The following PVALEF variants were observed in gnomAD, a reference collection of about 807,000 sequenced individuals.
The protein encoded by PVALEF is parvalbumin like EF-hand containing.
In PVALEF, 2 loss-of-function variants were observed where a neutral mutation model predicts 1.2. The observed-to-expected ratio is 1.68, with a 90% CI of 0.69 to 5.28. The LOEUF is 5.28. Ranked by LOEUF, PVALEF falls within the 30% of genes most tolerant of loss-of-function variation. The pLI is 0.06. For missense variants in PVALEF, 35 were observed against 17.7 expected, an observed-to-expected ratio of 1.97 and a Z score of -1.75; for synonymous variants, 16 against 6.5, an observed-to-expected ratio of 2.47 and a Z score of -2.24.
intron 5 of PVALEF, 100 bp from the exon 6 acceptor site, chr17:81,181,866 C>G (rs369903699): frequency 2.5e-6 from 1 of 397,950 alleles, no homozygotes; most frequent in Non-Finnish European, 4.4e-6. Context: ...GCTCCCGGCC[C>G]GAAGTGCCCT....
intron 2 of PVALEF, among the ~76,000 whole-genome samples, chr17:81,176,436 T>C (rs2725398): frequency 0.86 from 130,498 of 152,140 alleles, 56,146 homozygotes; most frequent in East Asian, 0.99. Context: ...CGAGAATCAT[T>C]GAACCCAGAA....
rs145676843 is a variant in PVALEF, at chr17:81,167,260, T to C, written c.-340+416T>C. ...GTGAGCCAAGATGGCACCACTGCAC[T>C]CCAGCCCGGGTGACAACAAGATCTT... On this transcript the variant is annotated intron_variant, in intron 2 of 6. Transcript: ENST00000637878. 6.5e-3 allele frequency among the ~76,000 whole-genome samples: 975 copies of C among 151,042 alleles called. 11 individuals carry two copies. The highest frequency in any genetic ancestry group is 0.023 in the African/African-American group (938 of 41,378).
At chr17:81,166,263 G>C (rs1170824189) in intron 1 of PVALEF, among the ~76,000 whole-genome samples, 2 of 129,518 alleles carry the variant, frequency 1.5e-5, no homozygotes, top group Admixed American at 1.5e-4. Flanking sequence ...CGCGGGGGAG[G>C]GGGGGGCCCT....
intron 2 of PVALEF, among the ~76,000 whole-genome samples, chr17:81,177,174 G>C (rs142302803): frequency 7.6e-6 from 1 of 131,824 alleles, no homozygotes; most frequent in Non-Finnish European, 1.6e-5. Flanking sequence ...TGATCCACTC[G>C]CCTCGGCCTC....
rs573528408 is a variant in PVALEF at position 81,172,092 on chromosome 17, A to C, written c.-340+5248A>C. On this transcript the variant is annotated intron_variant, in intron 2 of 6. Coordinates refer to ENST00000637878, the MANE Select transcript of PVALEF (RefSeq NM_001354639.2). ...TTCCCTCAGTGGGATGTTCCTCCCAAGGTTCCTCCTCACTCTGGCCTGCTG... is the reference window on the plus strand; with the variant it reads ...TTCCCTCAGTGGGATGTTCCTCCCACGGTTCCTCCTCACTCTGGCCTGCTG... Among the ~76,000 whole-genome samples the C allele has an allele frequency of 9.3e-4, 141 of 152,328 alleles. 2 individuals carry two copies. In the South Asian group the frequency reaches 0.028, roughly 30 times the overall value.
At chr17:81,175,342 A>C (rs752036435) in intron 2 of PVALEF, among the ~76,000 whole-genome samples, 1 of 152,240 alleles carries the variant, frequency 6.6e-6, no homozygotes, top group Non-Finnish European at 1.5e-5. Flanking sequence ...AAGACTTAAT[A>C]GTGTTAAGAT....
chr17:81,173,801 C>G (rs1437016165), intron 2 of PVALEF, among the ~76,000 whole-genome samples: 1 of 152,198 alleles, frequency 6.6e-6, no homozygotes, highest in Non-Finnish European at 1.5e-5. Flanking sequence ...CTAACTCACT[C>G]TATGAGGCCA....
At chr17:81,167,290 C>CAA (rs34809579) in intron 2 of PVALEF, among the ~76,000 whole-genome samples, 41 of 151,792 alleles carry the variant, frequency 2.7e-4, no homozygotes, top group Middle Eastern at 3.4e-3. Flanking sequence ...GATCTTGTCT[C>CAA]AAAAAAAGTG....
At chr17:81,176,615 A>T (rs1253876650) in intron 2 of PVALEF, among the ~76,000 whole-genome samples, 3 of 151,742 alleles carry the variant, frequency 2.0e-5, no homozygotes, top group African/African-American at 7.3e-5. Flanking sequence ...GAGAATCACA[A>T]GTGTTGGTGA....
Position 81,166,779 on chromosome 17 carries a change from T to C in PVALEF, c.-405T>C, listed in dbSNP as rs1172333254. ...GGCTTTGCACACAGGCCTGCTCCTG[T>C]ACCGTGCTGCGACAGCCATGAAGGA... On this transcript the variant is annotated 5_prime_UTR_variant, in exon 2 of 7. Coordinates refer to ENST00000637878, the MANE Select transcript of PVALEF (RefSeq NM_001354639.2). 2.2e-6 allele frequency: 1 copy of C among 456,428 alleles called. No homozygotes were observed. The highest frequency in any genetic ancestry group is 7.0e-5 in the East Asian group (1 of 14,352). 28.3% of individuals were successfully genotyped at this position (456,428 alleles called of 1,614,324 possible).
chr17:81,167,349 TTCAC>T (rs1441330589), intron 2 of PVALEF, among the ~76,000 whole-genome samples: 12 of 152,054 alleles, frequency 7.9e-5, no homozygotes, highest in Non-Finnish European at 1.5e-4. Flanking sequence ...CACTCATTCA[TTCAC>T]TCACTCATTC....
At chr17:81,175,260 T>A (rs182530373) in intron 2 of PVALEF, among the ~76,000 whole-genome samples, 21 of 152,238 alleles carry the variant, frequency 1.4e-4, no homozygotes, top group African/African-American at 5.1e-4. Flanking sequence ...AAAACATGGC[T>A]GAAAAGAAAT....
chr17:81,165,851 T>G, intron 1 of PVALEF, 104 bp downstream of exon 1: 1 of 1,527,682 alleles, frequency 6.5e-7, no homozygotes, highest in Non-Finnish European at 8.8e-7. Context: ...TTAATTTCCA[T>G]GCAAACCGGG....
At position 81,169,717 on chromosome 17, in the gene PVALEF, G is replaced by A. The variant is rs561764295; in HGVS notation, c.-340+2873G>A. ...CGCAGCCCCAACCTCTGCCTGCATC[G>A]TCACATAGTCGTGTGCGTGTGTGTG... On this transcript the variant is annotated intron_variant, in intron 2 of 6. Transcript: ENST00000637878. Among the ~76,000 whole-genome samples, 13 of 151,678 alleles carry A rather than the reference G, an allele frequency of 8.6e-5. No individual in the cohort carries two copies. The East Asian group carries it at 1.2e-3, about 14-fold the overall frequency.
chr17:81,175,987 G>A (rs60584648), intron 2 of PVALEF, among the ~76,000 whole-genome samples: 1,879 of 152,222 alleles, frequency 0.012, 34 homozygotes, highest in African/African-American at 0.043. Context: ...GGCTAAAAAC[G>A]CAACCCAAAG....
chr17:81,170,936 G>A (rs1245725561), intron 2 of PVALEF, among the ~76,000 whole-genome samples: 1 of 152,092 alleles, frequency 6.6e-6, no homozygotes, highest in Non-Finnish European at 1.5e-5. Flanking sequence ...GCTCTTCCAG[G>A]CTGAGGCAGC....
chr17:81,181,534 C>T lies in PVALEF; in HGVS notation c.107-25C>T, dbSNP rs376294044. On this transcript the variant is annotated intron_variant, in intron 4 of 6. Coordinates refer to ENST00000637878, the MANE Select transcript of PVALEF (RefSeq NM_001354639.2). The stretch of plus-strand genomic sequence containing the variant: ...CCAGCTCAAGTGAGGTGGGCCCCTC[C>T]GTGAGCCCCGCCTGGTTGCCCCAGG... 123 of 470,046 alleles carry T rather than the reference C, an allele frequency of 2.6e-4. 1 individual carries two copies. Among genetic ancestry groups the T allele is most frequent in the African/African-American group, 2.1e-3 (106 of 50,180 alleles). The allele number at this position is 470,046 out of a possible 1,614,324, so 29.1% of individuals were successfully genotyped here.
chr17:81,179,535 ATGGAGATGGGGTGGGGC>A (rs2061546637), intron 3 of PVALEF, among the ~76,000 whole-genome samples: 1 of 152,050 alleles, frequency 6.6e-6, no homozygotes, highest in South Asian at 2.1e-4. Context: ...CTAAGTGGGG[ATGGAGATGGGGTGGGGC>A]TGGCAGGGCA....
intron 2 of PVALEF, among the ~76,000 whole-genome samples, chr17:81,169,731 T>G (rs2061511640): frequency 7.0e-6 from 1 of 143,772 alleles, no homozygotes; most frequent in African/African-American, 2.5e-5. Flanking sequence ...CATAGTCGTG[T>G]GCGTGTGTGT....
Sources: allele counts gnomAD v4.1 joint callset (sites outside exome capture counted in the v4.1 genomes callset), GRCh38; gene constraint gnomAD v4.1.1; transcripts MANE v1.5; gene names NCBI Gene and HGNC (gene_info 2026-07-23, HGNC 2026-07-21).